Variants in SDK1 observed in about 807,000 individuals in gnomAD.
The protein encoded by SDK1 is protein sidekick-1.
SDK1 carries 157 observed loss-of-function variants against 245.5 expected under a neutral mutation model. The observed-to-expected ratio is 0.64, with a 90% CI of 0.56 to 0.73. The LOEUF (loss-of-function observed/expected upper bound fraction) is 0.73. Ranked by LOEUF, SDK1 falls within the 30% of genes least tolerant of loss-of-function variation. SDK1 has a pLI of 0.00. For missense variants in SDK1, 3,583 were observed against 3,002.3 expected (o/e 1.19, Z -4.52); for synonymous variants, 1,647 against 1,278.5 (o/e 1.29, Z -6.15).
intron 4 of SDK1, among the ~76,000 whole-genome samples, chr7:3,786,064 G>A (rs954136106): frequency 9.9e-5 from 15 of 152,092 alleles, no homozygotes; most frequent in Non-Finnish European, 1.9e-4. Context: ...ATAGAAGCTG[G>A]GATTGCAGTG....
chr7:3,420,697 T>G (rs1310173855), intron 1 of SDK1, among the ~76,000 whole-genome samples: 1 of 152,236 alleles, frequency 6.6e-6, no homozygotes, highest in Non-Finnish European at 1.5e-5. Flanking sequence ...TATATTCTTT[T>G]TTAACATAAT....
Position 4,079,570 on chromosome 7 carries a change from A to G in SDK1, c.3310A>G (p.Ile1104Val). The change falls in exon 22 of 45, where the codon ATT becomes GTT. Residue 1104 changes from isoleucine to valine, a missense_variant. Transcript: ENST00000404826. ...YDGKTSISRW[I>V]VEGQVGAIGD... The stretch of plus-strand genomic sequence containing the variant: ...CGGGAAAACGTCCATCTCCAGGTGG[A>G]TTGTTGAGGGGCAGGTACGTGTGTC... 1 of 1,614,030 alleles carries G rather than the reference A, an allele frequency of 6.2e-7. No homozygotes were observed. The highest frequency in any genetic ancestry group is 1.3e-5 in the African/African-American group (1 of 74,966).
In SDK1 at chr7:4,268,869, GTTCCCTACAACTTT is replaced by G; in HGVS notation, c.*3489_*3502del. 1.8e-6 allele frequency: 1 copy of G among 571,222 alleles called. No individual in the cohort carries two copies. The highest frequency in any genetic ancestry group is 1.7e-5 in the South Asian group (1 of 59,546). 35.4% of individuals were successfully genotyped at this position (571,222 alleles called of 1,614,324 possible). A position where few individuals can be genotyped will look rare whatever the true frequency, so the allele number is the denominator to read the frequency against. On this transcript the variant is annotated 3_prime_UTR_variant, in exon 45 of 45. Transcript: ENST00000404826. ...TTAGGGAGCCGTCAGGTCCCTAAAC[GTTCCCTACAACTTT>G]TTCTGAAATTGTGCAGAAAAACAGA...
Position 4,268,639 on chromosome 7 carries a change from T to C in SDK1, c.*3255T>C, listed in dbSNP as rs1788617077. The C allele has an allele frequency of 7.3e-7, 1 of 1,367,756 alleles. No homozygotes were observed. Among genetic ancestry groups the C allele is most frequent in the Non-Finnish European group, 9.8e-7 (1 of 1,021,934 alleles). The allele number at this position is 1,367,756 out of a possible 1,614,324, so 84.7% of individuals were successfully genotyped here. A position where few individuals can be genotyped will look rare whatever the true frequency, so the allele number is the denominator to read the frequency against. On this transcript the variant is annotated 3_prime_UTR_variant, in exon 45 of 45. Coordinates refer to ENST00000404826, the MANE Select transcript of SDK1 (RefSeq NM_152744.4). ...AGCATGATGTTTGCCTAATGGTTCG[T>C]AGCATGGTTTTTATTTCTTACGCAT... is the stretch of plus-strand genomic sequence containing the variant.
intron 4 of SDK1, among the ~76,000 whole-genome samples, chr7:3,671,033 C>G (rs527971338): frequency 1.6e-4 from 25 of 152,246 alleles, no homozygotes; most frequent in African/African-American, 4.3e-4. Flanking sequence ...TAACTAGTTC[C>G]TTGAGGTTTG....
chr7:3,728,210 A>G (rs1422895535), intron 4 of SDK1, among the ~76,000 whole-genome samples: 2 of 152,216 alleles, frequency 1.3e-5, no homozygotes, highest in African/African-American at 4.8e-5. Flanking sequence ...AGTACTTATC[A>G]GCTATCTCCA....
At chr7:3,966,951 G>T (rs907705852) in intron 9 of SDK1, among the ~76,000 whole-genome samples, 7 of 152,208 alleles carry the variant, frequency 4.6e-5, no homozygotes, top group Non-Finnish European at 8.8e-5. Flanking sequence ...CTCCTGAAGT[G>T]CTGGGAATAT....
intron 1 of SDK1, among the ~76,000 whole-genome samples, chr7:3,311,574 A>G (rs924603073): frequency 2.6e-5 from 4 of 152,304 alleles, no homozygotes; most frequent in East Asian, 1.9e-4. Flanking sequence ...TTTGAAATCT[A>G]TTATTGAGGC....
At chr7:3,512,200 T>C (rs757600491) in intron 1 of SDK1, among the ~76,000 whole-genome samples, 4 of 152,174 alleles carry the variant, frequency 2.6e-5, no homozygotes, top group African/African-American at 7.2e-5. Flanking sequence ...GTCGTATCAT[T>C]GGGATCATAC....
intron 4 of SDK1, among the ~76,000 whole-genome samples, chr7:3,803,095 G>C (rs1419685705): frequency 6.6e-6 from 1 of 152,124 alleles, no homozygotes; most frequent in Non-Finnish European, 1.5e-5. Flanking sequence ...AGCAACATAT[G>C]AGAGCTCCAG....
At chr7:3,984,926 C>T (rs1394451390) in intron 13 of SDK1, among the ~76,000 whole-genome samples, 1 of 152,230 alleles carries the variant, frequency 6.6e-6, no homozygotes, top group Non-Finnish European at 1.5e-5. Flanking sequence ...CCCTGTCTGG[C>T]CTCTCTGCCA....
In SDK1 at chr7:3,752,036, C is replaced by G. The variant is rs569088431; in HGVS notation, c.714-69414C>G. On this transcript the variant is annotated intron_variant, in intron 4 of 44. Coordinates refer to ENST00000404826, the MANE Select transcript of SDK1 (RefSeq NM_152744.4). ...ATGGGAAAAGTACTCCTTTGGCCTT[C>G]TATGATTGACATTTCAGAACAAGCT... is the stretch of plus-strand genomic sequence containing the variant. 3.3e-5 allele frequency among the ~76,000 whole-genome samples: 5 copies of G among 152,316 alleles called. 1 individual carries two copies. The highest frequency in any genetic ancestry group is 1.2e-4 in the African/African-American group (5 of 41,576).
chr7:3,381,601 G>A (rs922243489), intron 1 of SDK1, among the ~76,000 whole-genome samples: 3 of 152,130 alleles, frequency 2.0e-5, no homozygotes, highest in Non-Finnish European at 4.4e-5. Flanking sequence ...TCTAAGGAGA[G>A]GAAGGGCCAT....
At chr7:3,880,908 A>C (rs892195909) in intron 5 of SDK1, among the ~76,000 whole-genome samples, 1 of 152,070 alleles carries the variant, frequency 6.6e-6, no homozygotes, top group Non-Finnish European at 1.5e-5. Context: ...AAGGCGAGGA[A>C]GGCGTCGAGT....
At chr7:3,805,930 T>A (rs1779230627) in intron 4 of SDK1, among the ~76,000 whole-genome samples, 1 of 152,150 alleles carries the variant, frequency 6.6e-6, no homozygotes, top group African/African-American at 2.4e-5. Flanking sequence ...CTTTGCCCCC[T>A]CTTCTTCCTT....
In SDK1 at chr7:3,638,991, T is replaced by C. The variant is rs1782560577; in HGVS notation, c.459-13T>C. On this transcript the variant is annotated splice_polypyrimidine_tract_variant and intron_variant, in intron 2 of 44. Coordinates refer to ENST00000404826, the MANE Select transcript of SDK1 (RefSeq NM_152744.4). ...GGATATAAGCATTAACACTTCTTTT[T>C]GCTATTCAACAGGTACATTATTCCA... is the stretch of plus-strand genomic sequence containing the variant. 1 of 1,555,910 alleles carries C rather than the reference T, an allele frequency of 6.4e-7. No homozygotes were observed. The highest frequency in any genetic ancestry group is 8.8e-7 in the Non-Finnish European group (1 of 1,133,668).
chr7:3,831,250 G>T (rs913116865), intron 5 of SDK1, among the ~76,000 whole-genome samples: 1 of 152,188 alleles, frequency 6.6e-6, no homozygotes, highest in Non-Finnish European at 1.5e-5. Context: ...TAGAAAAACT[G>T]TATTTACTCA....
At chr7:4,086,772 C>T (rs1353063339) in intron 22 of SDK1, among the ~76,000 whole-genome samples, 1 of 152,158 alleles carries the variant, frequency 6.6e-6, no homozygotes, top group Non-Finnish European at 1.5e-5. Context: ...CCACATAAGG[C>T]AGCGTACTCA....
intron 5 of SDK1, among the ~76,000 whole-genome samples, chr7:3,923,016 A>T (rs541745287): frequency 1.3e-5 from 2 of 152,340 alleles, no homozygotes; most frequent in Admixed American, 6.5e-5. Flanking sequence ...ATTTGATTGT[A>T]TGCACTATCC....
Sources: allele counts gnomAD v4.1 joint callset (sites outside exome capture counted in the v4.1 genomes callset), GRCh38; gene constraint gnomAD v4.1.1; transcripts MANE v1.5; gene names NCBI Gene and HGNC (gene_info 2026-07-23, HGNC 2026-07-21).